The following SH3PXD2A variants were observed in gnomAD, a reference collection of about 807,000 sequenced individuals.
The protein encoded by SH3PXD2A is SH3 and PX domains 2A.
SH3PXD2A carries 32 observed loss-of-function variants against 115.2 expected under a neutral mutation model. That is an observed-to-expected ratio of 0.28 (90% confidence interval 0.21 to 0.37). The LOEUF is 0.37. SH3PXD2A is among the 10% of genes least tolerant of loss of function. The probability of loss-of-function intolerance (pLI) is 1.00; values close to 1 mark genes in which losing one functional copy is unlikely to be tolerated. For missense variants in SH3PXD2A, 1,328 were observed against 1,498.7 expected (o/e 0.89, Z 1.88); for synonymous variants, 610 against 629.1 (o/e 0.97, Z 0.45).
chr10:103,735,869 A>T, intron 3 of SH3PXD2A, 61 bp from the exon 4 acceptor site: 1 of 1,298,934 alleles, frequency 7.7e-7, no homozygotes, highest in East Asian at 2.3e-5. Context: ...AGACCTTCTC[A>T]TTCCCCTCTC....
chr10:103,811,691 G>C (rs1427352537), intron 1 of SH3PXD2A, among the ~76,000 whole-genome samples: 1 of 152,206 alleles, frequency 6.6e-6, no homozygotes, highest in Non-Finnish European at 1.5e-5. Context: ...CTGTCAGTTG[G>C]TGACAGAGAC....
chr10:103,725,291 T>C (rs750473186), intron 4 of SH3PXD2A, among the ~76,000 whole-genome samples: 2 of 152,180 alleles, frequency 1.3e-5, no homozygotes, highest in Non-Finnish European at 2.9e-5. Flanking sequence ...TAGCAGGGCC[T>C]TGTTTTAGGC....
chr10:103,825,136 A>G (rs564269930), intron 1 of SH3PXD2A, among the ~76,000 whole-genome samples: 1 of 152,276 alleles, frequency 6.6e-6, no homozygotes, highest in East Asian at 1.9e-4. Flanking sequence ...CATTCCAAGA[A>G]ATGTGAATTC....
In SH3PXD2A at chr10:103,637,729, C is replaced by T. The variant is rs185154029; in HGVS notation, c.605-10527G>A. On this transcript the variant is annotated intron_variant, in intron 8 of 14. Coordinates refer to ENST00000369774, the MANE Select transcript of SH3PXD2A (RefSeq NM_001394015.1). ...TAGGGCATTTGCGAGCTCCAAGTGG[C>T]GACGGGTGGGGAGACACTGAGAGGA... Among the ~76,000 whole-genome samples, 18 of 152,218 alleles carry T rather than the reference C, an allele frequency of 1.2e-4. No individual in the cohort carries two copies. In the East Asian group the frequency reaches 1.5e-3, roughly 13 times the overall value.
chr10:103,604,762 C>A (rs1016074768), intron 14 of SH3PXD2A, among the ~76,000 whole-genome samples: 1 of 152,218 alleles, frequency 6.6e-6, no homozygotes, highest in Non-Finnish European at 1.5e-5. Context: ...CCTGCCCCAG[C>A]CCTGTACCTA....
intron 3 of SH3PXD2A, among the ~76,000 whole-genome samples, chr10:103,747,881 C>T (rs1199346368): frequency 6.6e-6 from 1 of 152,072 alleles, no homozygotes; most frequent in Non-Finnish European, 1.5e-5. Flanking sequence ...AACTCCTGGG[C>T]TCAAGCAATC....
At chr10:103,701,435 CCATCTATCCATT>C in intron 5 of SH3PXD2A, among the ~76,000 whole-genome samples, 1 of 129,424 alleles carries the variant, frequency 7.7e-6, no homozygotes, top group Non-Finnish European at 1.7e-5. Context: ...CATCCATCCA[CCATCTATCCATT>C]CATCCATCCA....
chr10:103,616,012 A>AG (rs1454620799), intron 11 of SH3PXD2A, among the ~76,000 whole-genome samples: 1 of 68,630 alleles, frequency 1.5e-5, no homozygotes, highest in East Asian at 4.6e-4. Flanking sequence ...GATATGCACC[A>AG]GGGCTCCGGG....
chr10:103,792,210 T>C (rs1435237107), intron 2 of SH3PXD2A, among the ~76,000 whole-genome samples: 1 of 152,224 alleles, frequency 6.6e-6, no homozygotes, highest in East Asian at 1.9e-4. Context: ...AACTAATAAT[T>C]ACTTTTTAAA....
intron 1 of SH3PXD2A, among the ~76,000 whole-genome samples, chr10:103,837,075 C>T (rs928687036): frequency 1.3e-5 from 2 of 152,180 alleles, no homozygotes; most frequent in African/African-American, 4.8e-5. Context: ...TTTCCAAGGC[C>T]CGCCTATCGT....
chr10:103,638,399 C>T (rs1478384752), intron 8 of SH3PXD2A, among the ~76,000 whole-genome samples: 2 of 152,276 alleles, frequency 1.3e-5, no homozygotes, highest in Non-Finnish European at 2.9e-5. Context: ...CAGTGCTAGG[C>T]TGGGTCCCCG....
intron 8 of SH3PXD2A, among the ~76,000 whole-genome samples, chr10:103,642,481 TC>T (rs2036969957): frequency 6.6e-6 from 1 of 152,158 alleles, no homozygotes; most frequent in Non-Finnish European, 1.5e-5. Context: ...CCTAAGATCC[TC>T]CCCTGTATCA....
At chr10:103,778,157 G>A (rs532909292) in intron 2 of SH3PXD2A, among the ~76,000 whole-genome samples, 19 of 152,010 alleles carry the variant, frequency 1.2e-4, no homozygotes, top group South Asian at 8.3e-4. Flanking sequence ...GTGAAACCCC[G>A]TCTCTACTAA....
chr10:103,699,810 C>T (rs1048274577), intron 5 of SH3PXD2A, among the ~76,000 whole-genome samples: 10 of 152,212 alleles, frequency 6.6e-5, no homozygotes, highest in South Asian at 2.1e-4. Flanking sequence ...GTCCTTTCTC[C>T]GCAGGGCCTG....
At chr10:103,814,382 A>C (rs542649226) in intron 1 of SH3PXD2A, among the ~76,000 whole-genome samples, 81 of 152,300 alleles carry the variant, frequency 5.3e-4, no homozygotes, top group African/African-American at 1.9e-3. Context: ...GAGACATACG[A>C]TAGCTGGTTT....
intron 2 of SH3PXD2A, among the ~76,000 whole-genome samples, chr10:103,782,342 C>T (rs1263350160): frequency 2.0e-5 from 3 of 152,170 alleles, no homozygotes; most frequent in Non-Finnish European, 2.9e-5. Flanking sequence ...TTGAGAAGTC[C>T]TCATTGTTCT....
At chr10:103,644,114 CAAAAAAAAAAAAA>C (rs71019685) in intron 8 of SH3PXD2A, among the ~76,000 whole-genome samples, 1 of 72,270 alleles carries the variant, frequency 1.4e-5, no homozygotes. Flanking sequence ...GGCTCCATCC[CAAAAAAAAAAAAA>C]AAAAAAAAAA....
rs568373811 is a variant in SH3PXD2A, at chr10:103,687,854, C to CCCAG, written c.427+5170_427+5173dup. Among the ~76,000 whole-genome samples the CCCAG allele has an allele frequency of 2.5e-3, 380 of 152,320 alleles. 3 individuals carry two copies. The highest frequency in any genetic ancestry group is 0.01 in the Middle Eastern group (3 of 294). On this transcript the variant is annotated intron_variant, in intron 6 of 14. Coordinates refer to ENST00000369774, the MANE Select transcript of SH3PXD2A (RefSeq NM_001394015.1). ...CACTTTACCCTCCACTATTCTTCATCCCAGCCACAGGCCTCCCTACTGCAT... is the reference window on the plus strand; with the variant it reads ...CACTTTACCCTCCACTATTCTTCATCCCAGCCAGCCACAGGCCTCCCTACTGCAT...
chr10:103,681,706 C>T (rs1311230923), intron 6 of SH3PXD2A, among the ~76,000 whole-genome samples: 1 of 152,134 alleles, frequency 6.6e-6, no homozygotes, highest in Non-Finnish European at 1.5e-5. Flanking sequence ...ATCGCACTAC[C>T]ACACTCCAGC....
Sources: allele counts gnomAD v4.1 joint callset (sites outside exome capture counted in the v4.1 genomes callset), GRCh38; gene constraint gnomAD v4.1.1; transcripts MANE v1.5; gene names NCBI Gene and HGNC (gene_info 2026-07-23, HGNC 2026-07-21).